Variants in USP33 observed in about 807,000 individuals in gnomAD.
The protein encoded by USP33 is ubiquitin specific peptidase 33.
Under a neutral mutation model 124.2 loss-of-function variants are expected in USP33, and 46 were observed. The ratio of observed to expected loss-of-function variants is 0.37; its 90% CI spans 0.29 to 0.47. The LOEUF is 0.47. Ranked by LOEUF, USP33 falls within the 20% of genes least tolerant of loss-of-function variation. The probability of loss-of-function intolerance (pLI) is 0.99; values close to 1 mark genes in which losing one functional copy is unlikely to be tolerated. For synonymous variants in USP33, 350 were observed against 352.3 expected (o/e 0.99, Z 0.07); for missense variants, 851 against 1,070.6 (o/e 0.79, Z 2.86).
chr1:77,717,612 G>GT (rs1403713956), intron 17 of USP33: 2 of 248,468 alleles, frequency 8.0e-6, no homozygotes, highest in Non-Finnish European at 1.5e-5. Flanking sequence ...ATAATTAGCA[G>GT]TAACATCTGT....
chr1:77,736,616 C>CT (rs761250766), intron 5 of USP33, among the ~76,000 whole-genome samples: 22 of 150,320 alleles, frequency 1.5e-4, no homozygotes, highest in Non-Finnish European at 2.4e-4. Context: ...ACTTTGCACA[C>CT]TTTTTTTTTT....
At chr1:77,748,647 G>A (rs1386195983) in intron 1 of USP33, among the ~76,000 whole-genome samples, 1 of 147,632 alleles carries the variant, frequency 6.8e-6, no homozygotes, top group South Asian at 2.1e-4. Context: ...CCATCCTGGC[G>A]ACACAGCGAG....
chr1:77,754,756 C>G (rs945317906), intron 1 of USP33, among the ~76,000 whole-genome samples: 15 of 152,274 alleles, frequency 9.9e-5, no homozygotes, highest in African/African-American at 3.6e-4. Flanking sequence ...AGCCTTAAGG[C>G]TATTAAAAGA....
chr1:77,719,668 T>C (rs1036221735), intron 15 of USP33, among the ~76,000 whole-genome samples: 1 of 150,404 alleles, frequency 6.6e-6, no homozygotes, highest in Non-Finnish European at 1.5e-5. Context: ...GCCTGACCAA[T>C]ATGGCAAAAC....
chr1:77,753,694 C>T (rs1680552936), intron 1 of USP33, among the ~76,000 whole-genome samples: 1 of 151,726 alleles, frequency 6.6e-6, no homozygotes, highest in African/African-American at 2.4e-5. Context: ...GATTTGGGAC[C>T]AGTGGTAAGT....
chr1:77,739,273 T>C lies in USP33; in HGVS notation c.343A>G (p.Ser115Gly), dbSNP rs760845343. The C allele has an allele frequency of 1.9e-6, 3 of 1,611,750 alleles. No homozygotes were observed. The highest frequency in any genetic ancestry group is 2.2e-5 in the East Asian group (1 of 44,808). ...TGGATCTAGATTATTACCTGGACAC[T>C]GTTTTCTTGTATTTGGTGAGGTTGT... is the stretch of plus-strand genomic sequence containing the variant. ...VRQPHQIQEN[S>G]VQDFKIPSNT... is the part of the protein sequence containing the mutation. The change falls in exon 5 of 24, where the codon AGT becomes GGT. Residue 115 changes from serine (S) to glycine (G), a missense_variant. Transcript: ENST00000370794.
rs772150501 is a variant in USP33 at position 77,739,376 on chromosome 1, T to C, written c.240A>G (p.Arg80=). The change falls in exon 5 of 24, where the codon CGA becomes CGG. Residue 80 remains arginine (R), a synonymous_variant. Coordinates refer to ENST00000370794, the MANE Select transcript of USP33 (RefSeq NM_201624.3). ...CTTTGCTGCAAGCATAACACCATACTCGAAGAGTGGTAAGGTTCACAGTTA... is the reference window on the plus strand; with the variant it reads ...CTTTGCTGCAAGCATAACACCATACCCGAAGAGTGGTAAGGTTCACAGTTA... The part of the protein sequence containing the change: ...HYLTVNLTTL[R]VWCYACSKEV... The C allele has an allele frequency of 6.2e-7, 1 of 1,613,670 alleles. No homozygotes were observed.
chr1:77,711,886 T>G, intron 20 of USP33, 31 bp from the exon 21 acceptor site: 1 of 1,570,860 alleles, frequency 6.4e-7, no homozygotes, highest in Non-Finnish European at 8.6e-7. Context: ...GAATTAATGT[T>G]CTAGGAAGTT....
intron 5 of USP33, 90 bp downstream of exon 5, chr1:77,739,175 T>C (rs1678831347): frequency 6.9e-7 from 1 of 1,458,724 alleles, no homozygotes; most frequent in Non-Finnish European, 9.3e-7. Context: ...GGTTAGGCAG[T>C]ATTCCTTTTG....
chr1:77,727,689 AACC>A (rs1266191119), intron 10 of USP33, among the ~76,000 whole-genome samples: 1 of 152,254 alleles, frequency 6.6e-6, no homozygotes, highest in Non-Finnish European at 1.5e-5. Flanking sequence ...ACATAATTTG[AACC>A]TCTAATGGCC....
In USP33 at chr1:77,714,667, G is replaced by A; in HGVS notation, c.2162C>T (p.Thr721Ile). ...TGAAATAGGGCCAGGTTCGGCAAAG[G>A]TCTTAAATTTATTAAGCCACTGTCG... Reference protein sequence around the residue: ...ISRQWLNKFKTFAEPGPISNN... With the variant: ...ISRQWLNKFKIFAEPGPISNN... Residue 721 changes from threonine to isoleucine, a missense_variant, in exon 19 of 24, where the codon ACC (threonine) becomes ATC (isoleucine). Transcript: ENST00000370794. 1 of 1,613,330 alleles carries A rather than the reference G, an allele frequency of 6.2e-7. No homozygotes were observed. The highest frequency in any genetic ancestry group is 1.1e-5 in the South Asian group (1 of 91,030).
chr1:77,745,026 TA>T (rs767859377), intron 1 of USP33, among the ~76,000 whole-genome samples: 1 of 152,206 alleles, frequency 6.6e-6, no homozygotes, highest in Non-Finnish European at 1.5e-5. Flanking sequence ...CAGTGGGTGT[TA>T]AAGTCTCCCA....
chr1:77,716,503 C>T (rs932413631), intron 17 of USP33, among the ~76,000 whole-genome samples: 2 of 152,112 alleles, frequency 1.3e-5, no homozygotes, highest in African/African-American at 4.8e-5. Context: ...ACAGCAGCCT[C>T]GACGAGCCAG....
chr1:77,697,279 A>G lies in USP33; in HGVS notation c.*38T>C, dbSNP rs373043817. 74 of 1,542,424 alleles carry G rather than the reference A, an allele frequency of 4.8e-5. No homozygotes were observed. In the African/African-American group the frequency reaches 9.1e-4, roughly 19 times the overall value. ...GCATGTGTACATGTCAGGGCACATGAAAATGATTCCTCATTAGAACTCTCT... is the reference window on the plus strand; with the variant it reads ...GCATGTGTACATGTCAGGGCACATGGAAATGATTCCTCATTAGAACTCTCT... On this transcript the variant is annotated 3_prime_UTR_variant, in exon 24 of 24. Coordinates refer to ENST00000370794, the MANE Select transcript of USP33 (RefSeq NM_201624.3).
At chr1:77,715,518 T>C (rs1314800529) in intron 18 of USP33, among the ~76,000 whole-genome samples, 1 of 152,236 alleles carries the variant, frequency 6.6e-6, no homozygotes, top group Non-Finnish European at 1.5e-5. Context: ...AAATTAATCT[T>C]TCTAAAACAA....
Position 77,725,691 on chromosome 1 carries a change from G to C in USP33, c.1207C>G (p.Pro403Ala), listed in dbSNP as rs763355538. 23 of 1,614,116 alleles carry C rather than the reference G, an allele frequency of 1.4e-5. No homozygotes were observed. Among genetic ancestry groups the C allele is most frequent in the Non-Finnish European group, 1.9e-5 (23 of 1,179,996 alleles). Residue 403 changes from proline to alanine, a missense_variant, in exon 11 of 24, where the codon CCA becomes GCA. Pro to Ala is a conservative substitution (Grantham distance 27). Around this residue, in one of 4 missense-constraint regions of USP33, gnomAD observed 207 missense variants for 200.9 expected, o/e 1.03. Coordinates refer to ENST00000370794, the MANE Select transcript of USP33 (RefSeq NM_201624.3). ...QILPSNEGVN[P>A]RLSASPPKSG... Reference sequence around the variant, plus strand: ...TTAGGAGGGCTTGCCGATAAACGTGGATTAACACCTTCATTTGATGGAAGG... The same window carrying C: ...TTAGGAGGGCTTGCCGATAAACGTGCATTAACACCTTCATTTGATGGAAGG...
chr1:77,749,842 G>A (rs1011827150), intron 1 of USP33, among the ~76,000 whole-genome samples: 1 of 152,098 alleles, frequency 6.6e-6, no homozygotes, highest in Admixed American at 6.5e-5. Flanking sequence ...TGCCTCAGAG[G>A]AAAGAAATGG....
chr1:77,719,816 T>C (rs1370029208), intron 15 of USP33, among the ~76,000 whole-genome samples: 2 of 139,574 alleles, frequency 1.4e-5, no homozygotes, highest in Non-Finnish European at 3.0e-5. Context: ...ATCACACCAC[T>C]GCACTCCAGC....
At chr1:77,734,965 T>C (rs1678260193) in intron 6 of USP33, among the ~76,000 whole-genome samples, 1 of 151,824 alleles carries the variant, frequency 6.6e-6, no homozygotes, top group Non-Finnish European at 1.5e-5. Flanking sequence ...CTACTAAAAA[T>C]ACAAAAAATT....
Sources: allele counts gnomAD v4.1 joint callset (sites outside exome capture counted in the v4.1 genomes callset), GRCh38; gene constraint gnomAD v4.1.1; regional missense constraint gnomAD v4.1.1; transcripts MANE v1.5; gene names NCBI Gene and HGNC (gene_info 2026-07-23, HGNC 2026-07-21).